The following CADPS2 variants were observed in gnomAD, a reference collection of about 807,000 sequenced individuals.
CADPS2 encodes the protein calcium dependent secretion activator 2, also known as calcium-dependent secretion activator 2.
CADPS2 carries 93 observed loss-of-function variants against 172.5 expected under a neutral mutation model. The ratio of observed to expected loss-of-function variants is 0.54; its 90% CI spans 0.46 to 0.64. CADPS2 has a LOEUF of 0.64. CADPS2 is among the 30% of genes least tolerant of loss of function. CADPS2 has a pLI of 0.00. For synonymous variants in CADPS2, 546 were observed against 555.2 expected (o/e 0.98, Z 0.23); for missense variants, 1,420 against 1,565.9 (o/e 0.91, Z 1.57).
At chr7:122,338,550 T>C (rs1337658692) in intron 28 of CADPS2, among the ~76,000 whole-genome samples, 1 of 152,200 alleles carries the variant, frequency 6.6e-6, no homozygotes, top group African/African-American at 2.4e-5. Flanking sequence ...TGAGTGTTGA[T>C]AGGAAAATCA....
At chr7:122,518,438 A>G (rs2060535812) in intron 8 of CADPS2, among the ~76,000 whole-genome samples, 1 of 152,076 alleles carries the variant, frequency 6.6e-6, no homozygotes, top group Admixed American at 6.6e-5. Context: ...CTTGTCTTAA[A>G]AAATTTGTTT....
chr7:122,645,681 A>ATATATCTG (rs796988558), intron 3 of CADPS2, among the ~76,000 whole-genome samples: 2 of 116,824 alleles, frequency 1.7e-5, no homozygotes, highest in Non-Finnish European at 3.5e-5. Flanking sequence ...ATATATATAT[A>ATATATCTG]TCTTGGGATT....
rs2073285984 is a variant in CADPS2 at position 122,604,868 on chromosome 7, G to C, written c.1223+10313C>G. The stretch of plus-strand genomic sequence containing the variant: ...TTGCTTAACGATGGGAATAGGCTCT[G>C]AGAAATGCATCCTTAGGCGATTTTG... On this transcript the variant is annotated intron_variant, in intron 6 of 29. Coordinates refer to ENST00000449022, the MANE Select transcript of CADPS2 (RefSeq NM_017954.11). Among the ~76,000 whole-genome samples, 4 of 152,210 alleles carry C rather than the reference G, an allele frequency of 2.6e-5. No homozygotes were observed. In the South Asian group the frequency reaches 8.3e-4, roughly 32 times the overall value.
chr7:122,638,050 T>A (rs1344821244), intron 3 of CADPS2, among the ~76,000 whole-genome samples: 1 of 152,174 alleles, frequency 6.6e-6, no homozygotes, highest in Non-Finnish European at 1.5e-5. Context: ...ATACGCACAG[T>A]AGTACTCTGT....
chr7:122,798,246 C>T (rs1796831866), intron 1 of CADPS2, among the ~76,000 whole-genome samples: 1 of 152,112 alleles, frequency 6.6e-6, no homozygotes, highest in South Asian at 2.1e-4. Context: ...CTAAACACAT[C>T]CTCCTCCTTG....
At chr7:122,356,115 G>A (rs989370398) in intron 27 of CADPS2, among the ~76,000 whole-genome samples, 1 of 151,904 alleles carries the variant, frequency 6.6e-6, no homozygotes, top group Non-Finnish European at 1.5e-5. Context: ...GTTTCCCTTC[G>A]TTTTTACCCA....
chr7:122,395,061 T>A (rs1248905307), intron 20 of CADPS2, among the ~76,000 whole-genome samples: 1 of 152,178 alleles, frequency 6.6e-6, no homozygotes, highest in African/African-American at 2.4e-5. Flanking sequence ...CAGTGTCTTA[T>A]AAAATATTCA....
At chr7:122,525,319 C>T (rs1259194371) in intron 8 of CADPS2, among the ~76,000 whole-genome samples, 1 of 152,114 alleles carries the variant, frequency 6.6e-6, no homozygotes, top group Non-Finnish European at 1.5e-5. Flanking sequence ...TTTAGAGTAA[C>T]ATCTTCCTGT....
At chr7:122,874,670 G>A (rs1408895608) in intron 1 of CADPS2, among the ~76,000 whole-genome samples, 1 of 152,118 alleles carries the variant, frequency 6.6e-6, no homozygotes, top group African/African-American at 2.4e-5. Flanking sequence ...CATGGTACTG[G>A]TACTGAAACA....
intron 15 of CADPS2, among the ~76,000 whole-genome samples, chr7:122,442,333 C>CT (rs1410017347): frequency 6.6e-6 from 1 of 152,158 alleles, no homozygotes; most frequent in Non-Finnish European, 1.5e-5. Context: ...GCCATTTCAT[C>CT]TTTTTGGAGC....
intron 2 of CADPS2, among the ~76,000 whole-genome samples, chr7:122,687,908 A>AT (rs2083842946): frequency 6.6e-6 from 1 of 152,142 alleles, no homozygotes; most frequent in Non-Finnish European, 1.5e-5. Context: ...CCTTTTGTTA[A>AT]TTTTTTACAT....
intron 2 of CADPS2, among the ~76,000 whole-genome samples, chr7:122,684,260 T>G (rs2083388043): frequency 6.6e-6 from 1 of 152,164 alleles, no homozygotes. Flanking sequence ...TTTCTGAGAA[T>G]CTATCAACTA....
chr7:122,786,599 AC>A (rs1794095911), intron 1 of CADPS2, among the ~76,000 whole-genome samples: 2 of 152,124 alleles, frequency 1.3e-5, no homozygotes, highest in Admixed American at 6.5e-5. Context: ...ATATGGCACA[AC>A]CTTTGTGGAT....
intron 1 of CADPS2, among the ~76,000 whole-genome samples, chr7:122,877,650 C>T (rs1193975741): frequency 3.3e-5 from 5 of 151,956 alleles, no homozygotes; most frequent in Admixed American, 2.6e-4. Context: ...ATTATAAATG[C>T]AAGAGATCTA....
intron 17 of CADPS2, among the ~76,000 whole-genome samples, chr7:122,428,145 C>T (rs1362196777): frequency 6.6e-6 from 1 of 152,134 alleles, no homozygotes; most frequent in African/African-American, 2.4e-5. Flanking sequence ...CACCTAAAAC[C>T]TTTCAGGGAT....
chr7:122,541,704 T>G (rs968611429), intron 8 of CADPS2, among the ~76,000 whole-genome samples: 5 of 146,100 alleles, frequency 3.4e-5, no homozygotes, highest in African/African-American at 1.2e-4. Context: ...TGTTTATATA[T>G]TCATATATTT....
rs1204801920 is a variant in CADPS2 at position 122,569,904 on chromosome 7, C to T, written c.1335+11275G>A. Among the ~76,000 whole-genome samples, 11 of 143,196 alleles carry T rather than the reference C, an allele frequency of 7.7e-5. No homozygotes were observed. The East Asian group carries it at 1.0e-3, about 13-fold the overall frequency. The allele number at this position is 143,196 out of a possible 152,430, so 93.9% of individuals were successfully genotyped here. On this transcript the variant is annotated intron_variant, in intron 7 of 29. Coordinates refer to ENST00000449022, the MANE Select transcript of CADPS2 (RefSeq NM_017954.11). The stretch of plus-strand genomic sequence containing the variant: ...ATTCAAGATGGATTAAAGACTTAAA[C>T]GTTAGACCTAAAACCATAAAAACCC...
chr7:122,473,491 T>C (rs2056240629), intron 13 of CADPS2, among the ~76,000 whole-genome samples: 1 of 152,192 alleles, frequency 6.6e-6, no homozygotes, highest in Non-Finnish European at 1.5e-5. Flanking sequence ...ATGCTCACCT[T>C]GTACATATAA....
intron 2 of CADPS2, among the ~76,000 whole-genome samples, chr7:122,689,510 A>G (rs1421373272): frequency 6.6e-6 from 1 of 152,194 alleles, no homozygotes; most frequent in African/African-American, 2.4e-5. Flanking sequence ...TTGCTAAGGG[A>G]TAGAACCACA....
Sources: allele counts gnomAD v4.1 joint callset (sites outside exome capture counted in the v4.1 genomes callset), GRCh38; gene constraint gnomAD v4.1.1; transcripts MANE v1.5; gene names NCBI Gene and HGNC (gene_info 2026-07-23, HGNC 2026-07-21).